Variants in GPSM2 observed in about 807,000 individuals in gnomAD.
GPSM2 encodes G protein-signaling modulator 2.
Under a neutral mutation model 78.4 loss-of-function variants are expected in GPSM2, and 58 were observed. The observed-to-expected ratio is 0.74, with a 90% CI of 0.60 to 0.92. GPSM2 has a LOEUF of 0.92. Ranked by LOEUF, GPSM2 falls within the 40% of genes least tolerant of loss-of-function variation. GPSM2 has a pLI of 0.00. For synonymous variants in GPSM2, 224 were observed against 280.2 expected (o/e 0.80, Z 2.00); for missense variants, 700 against 815.5 (o/e 0.86, Z 1.73).
At chr1:108,924,433 A>ATG in intron 14 of GPSM2, 1 of 609,944 alleles carries the variant, frequency 1.6e-6, no homozygotes, top group South Asian at 1.9e-5. Context: ...TTTAGGAGAG[A>ATG]CGTGTGTGTG....
At chr1:108,881,006 T>C (rs1161453176) in intron 1 of GPSM2, among the ~76,000 whole-genome samples, 1 of 152,228 alleles carries the variant, frequency 6.6e-6, no homozygotes, top group Non-Finnish European at 1.5e-5. Flanking sequence ...CTAGCCTTTC[T>C]TGTCTGCTCT....
At position 108,931,467 on chromosome 1, in the gene GPSM2, T is replaced by C. The variant is rs1651962889; in HGVS notation, c.*1527T>C. On this transcript the variant is annotated 3_prime_UTR_variant, in exon 15 of 15. Transcript: ENST00000264126. ...AGTTGCCAACTTGTTTCACTCTGCT[T>C]GCTTCAGACTGTGCACAGCTGGGAT... 1.3e-6 allele frequency: 2 copies of C among 1,550,646 alleles called. No homozygotes were observed. Among genetic ancestry groups the C allele is most frequent in the Non-Finnish European group, 1.7e-6 (2 of 1,147,044 alleles).
At chr1:108,904,319 C>A in intron 10 of GPSM2, 65 bp downstream of exon 10, 1 of 1,063,950 alleles carries the variant, frequency 9.4e-7, no homozygotes, top group Non-Finnish European at 1.4e-6. Context: ...AGTTATTTAT[C>A]ACAAATTTGG....
At chr1:108,919,331 A>G (rs187263371) in intron 12 of GPSM2, among the ~76,000 whole-genome samples, 117 of 152,214 alleles carry the variant, frequency 7.7e-4, no homozygotes, top group East Asian at 5.8e-4. Context: ...TTGAGTCACT[A>G]TTGTTTGCAA....
At chr1:108,883,815 G>T (rs1000472823) in intron 1 of GPSM2, among the ~76,000 whole-genome samples, 2 of 151,554 alleles carry the variant, frequency 1.3e-5, no homozygotes, top group African/African-American at 4.9e-5. Context: ...TGCTCATTTT[G>T]TCCTCCTTTT....
chr1:108,928,556 T>C (rs1349507599), intron 14 of GPSM2, among the ~76,000 whole-genome samples: 1 of 152,234 alleles, frequency 6.6e-6, no homozygotes, highest in Admixed American at 6.5e-5. Context: ...TCCCTAACAA[T>C]GTAGTGCATA....
intron 14 of GPSM2, chr1:108,926,565 C>T (rs1459334270): frequency 6.6e-6 from 1 of 152,116 alleles, no homozygotes. Context: ...GGGACTTATT[C>T]CCAGGACGCA....
At chr1:108,891,775 GAT>G (rs1201973033) in intron 2 of GPSM2, among the ~76,000 whole-genome samples, 2 of 151,652 alleles carry the variant, frequency 1.3e-5, no homozygotes, top group African/African-American at 4.9e-5. Context: ...CAAGTGCTGG[GAT>G]TACAGGTATG....
Position 108,912,861 on chromosome 1 carries a change from A to G in GPSM2, c.1193-1477A>G, listed in dbSNP as rs1482857813. The stretch of plus-strand genomic sequence containing the variant: ...GGAGTTCGAGACCAGCCTGGCCAAC[A>G]TGGTGAAACCCTGTCTCTACTTTAA... On this transcript the variant is annotated intron_variant, in intron 10 of 14. Coordinates refer to ENST00000264126, the MANE Select transcript of GPSM2 (RefSeq NM_013296.5). 5.4e-5 allele frequency among the ~76,000 whole-genome samples: 7 copies of G among 128,968 alleles called. 1 individual carries two copies. In the South Asian group the frequency reaches 1.1e-3, roughly 21 times the overall value. The allele number at this position is 128,968 out of a possible 152,430, so 84.6% of individuals were successfully genotyped here.
At chr1:108,896,304 T>G (rs1376611160) in intron 2 of GPSM2, among the ~76,000 whole-genome samples, 1 of 152,270 alleles carries the variant, frequency 6.6e-6, no homozygotes, top group East Asian at 1.9e-4. Context: ...ATTTTGTTCC[T>G]CTATTTTTCT....
At chr1:108,910,503 T>C (rs1434290545) in intron 10 of GPSM2, among the ~76,000 whole-genome samples, 2 of 152,180 alleles carry the variant, frequency 1.3e-5, no homozygotes, top group Non-Finnish European at 2.9e-5. Context: ...CGGCCAGCCT[T>C]ACTTGTGAAC....
At chr1:108,886,127 T>C (rs1647532340) in intron 2 of GPSM2, among the ~76,000 whole-genome samples, 1 of 152,200 alleles carries the variant, frequency 6.6e-6, no homozygotes, top group South Asian at 2.1e-4. Flanking sequence ...ACTCCTGGGC[T>C]CAAGCAATCC....
At chr1:108,897,822 T>C (rs948339161) in intron 4 of GPSM2, 137 bp from the exon 5 acceptor site, 31 of 963,456 alleles carry the variant, frequency 3.2e-5, no homozygotes, top group Non-Finnish European at 3.9e-5. Context: ...TCATAAGTAA[T>C]TATTTGATTG....
In GPSM2 at chr1:108,885,257, C is replaced by G. The variant is rs933029802; in HGVS notation, c.-248-18C>G. 2 of 356,548 alleles carry G rather than the reference C, an allele frequency of 5.6e-6. No homozygotes were observed. Among genetic ancestry groups the G allele is most frequent in the Non-Finnish European group, 1.0e-5 (2 of 195,530 alleles). The allele number at this position is 356,548 out of a possible 1,614,324, so 22.1% of individuals were successfully genotyped here. A position where few individuals can be genotyped will look rare whatever the true frequency, so the allele number is the denominator to read the frequency against. On this transcript the variant is annotated intron_variant, in intron 1 of 14. Transcript: ENST00000264126. Reference sequence around the variant, plus strand: ...GAAAATAGGACTTCAAGCAAAGCATCTTGTATTCCTTTTGCAGAAATGTTG... The same window carrying G: ...GAAAATAGGACTTCAAGCAAAGCATGTTGTATTCCTTTTGCAGAAATGTTG...
intron 10 of GPSM2, among the ~76,000 whole-genome samples, chr1:108,909,435 T>A (rs901370691): frequency 1.3e-5 from 2 of 152,190 alleles, no homozygotes; most frequent in African/African-American, 4.8e-5. Context: ...TAGAAATTAA[T>A]AAGATAATAT....
chr1:108,882,056 A>G (rs1471257322), intron 1 of GPSM2, among the ~76,000 whole-genome samples: 1 of 152,126 alleles, frequency 6.6e-6, no homozygotes, highest in Non-Finnish European at 1.5e-5. Context: ...GGCTCAAGCA[A>G]TCCTCCTGCC....
chr1:108,878,054 G>A (rs1665719307), intron 1 of GPSM2, among the ~76,000 whole-genome samples: 1 of 152,152 alleles, frequency 6.6e-6, no homozygotes, highest in Non-Finnish European at 1.5e-5. Flanking sequence ...AAGTCAGCAG[G>A]ACCAACAGAG....
At position 108,898,642 on chromosome 1, in the gene GPSM2, G is replaced by A; in HGVS notation, c.558G>A (p.Glu186=). Residue 186 remains glutamate (E), a splice_region_variant and synonymous_variant, in exon 6 of 15, where the codon GAG becomes GAA. Transcript: ENST00000264126. The part of the protein sequence containing the change: ...DALQAAVDFY[E]ENLSLVTALG... Reference sequence around the variant, plus strand: ...TTCATCACTTTTTGCGATCCCTTAGGGAAAACCTATCATTAGTGACTGCTT... The same window carrying A: ...TTCATCACTTTTTGCGATCCCTTAGAGAAAACCTATCATTAGTGACTGCTT... 1 of 1,613,752 alleles carries A rather than the reference G, an allele frequency of 6.2e-7. No homozygotes were observed. The highest frequency in any genetic ancestry group is 1.1e-5 in the South Asian group (1 of 90,990).
intron 7 of GPSM2, among the ~76,000 whole-genome samples, chr1:108,901,110 A>T (rs338488): frequency 0.025 from 3,850 of 152,276 alleles, 163 homozygotes; most frequent in African/African-American, 0.086. Context: ...CCCCCATTTT[A>T]TATAAGAAGA....
Sources: gnomAD v4.1 joint callset for allele counts (sites outside exome capture counted in the v4.1 genomes callset) on GRCh38, gnomAD v4.1.1 for gene constraint, MANE v1.5 for transcripts, NCBI Gene and HGNC (gene_info 2026-07-23, HGNC 2026-07-21) for gene names.